CNOT1: variants seen among roughly 807,000 people sequenced by gnomAD.
The protein encoded by CNOT1 is CCR4-NOT transcription complex subunit 1.
In CNOT1, 15 loss-of-function variants were observed where a neutral mutation model predicts 273.8. That is an observed-to-expected ratio of 0.05 (90% confidence interval 0.04 to 0.08). CNOT1 has a LOEUF of 0.08. Ranked by LOEUF, CNOT1 falls within the 10% of genes least tolerant of loss-of-function variation. The pLI is 1.00. For synonymous variants in CNOT1, 1,022 were observed against 1,005.5 expected, an observed-to-expected ratio of 1.02 and a Z score of -0.31; for missense variants, 1,644 against 2,912.2, an observed-to-expected ratio of 0.56 and a Z score of 10.02.
intron 2 of CNOT1, among the ~76,000 whole-genome samples, chr16:58,598,737 G>A (rs560233211): frequency 6.6e-6 from 1 of 152,090 alleles, no homozygotes; most frequent in Admixed American, 6.6e-5. Flanking sequence ...TAATTTCTAT[G>A]GAAAATAAAA....
chr16:58,521,841 A>G (rs2039387794), intron 47 of CNOT1, among the ~76,000 whole-genome samples: 1 of 151,896 alleles, frequency 6.6e-6, no homozygotes, highest in African/African-American at 2.4e-5. Context: ...TAATCCCAGC[A>G]GTCGGACGCT....
chr16:58,595,737 C>T (rs1436255544), intron 2 of CNOT1, among the ~76,000 whole-genome samples: 9 of 152,032 alleles, frequency 5.9e-5, no homozygotes, highest in Admixed American at 2.6e-4. Flanking sequence ...CTAATGACTC[C>T]TAGGGGTGAC....
intron 44 of CNOT1, among the ~76,000 whole-genome samples, chr16:58,526,817 C>CAAAA (rs58419483): frequency 1.6e-4 from 14 of 88,124 alleles, no homozygotes; most frequent in African/African-American, 4.2e-4. Flanking sequence ...AACTCCGTCT[C>CAAAA]AAAAAAAAAA....
intron 15 of CNOT1, 101 bp downstream of exon 15, chr16:58,574,906 C>G (rs2151965436): frequency 6.4e-7 from 1 of 1,557,534 alleles, no homozygotes; most frequent in South Asian, 1.2e-5. Flanking sequence ...TCAAATTTTT[C>G]TTTAGTTTAT....
intron 47 of CNOT1, among the ~76,000 whole-genome samples, chr16:58,521,718 G>T (rs1337305982): frequency 6.6e-6 from 1 of 151,920 alleles, no homozygotes; most frequent in Non-Finnish European, 1.5e-5. Flanking sequence ...TTGGGAGGCC[G>T]AGGCAGGTGG....
intron 1 of CNOT1, among the ~76,000 whole-genome samples, chr16:58,599,978 G>A (rs951968102): frequency 2.0e-5 from 3 of 151,932 alleles, no homozygotes; most frequent in African/African-American, 7.3e-5. Flanking sequence ...CAGGAGGACC[G>A]CTTGAAACTA....
chr16:58,604,859 G>A (rs1000021538), intron 1 of CNOT1, among the ~76,000 whole-genome samples: 8 of 150,082 alleles, frequency 5.3e-5, no homozygotes, highest in South Asian at 2.1e-4. Flanking sequence ...CACCAAAGCC[G>A]GGTGTGGTGG....
Position 58,547,548 on chromosome 16 carries a change from C to T in CNOT1, c.3639+18G>A. The T allele has an allele frequency of 6.3e-7, 1 of 1,599,714 alleles. No homozygotes were observed. The highest frequency in any genetic ancestry group is 8.5e-7 in the Non-Finnish European group (1 of 1,172,666). On this transcript the variant is annotated intron_variant, in intron 26 of 48. Transcript: ENST00000317147. The surrounding 1 kb of genome is among the most constrained non-coding windows in gnomAD (Gnocchi z 4.0). ...GTGCTGAAGATTCTCAATTTTTACA[C>T]ATTTAGATGAAACTCACAGTGTGTA...
intron 22 of CNOT1, among the ~76,000 whole-genome samples, chr16:58,552,083 C>A (rs922985235): frequency 1.3e-5 from 2 of 152,168 alleles, no homozygotes; most frequent in Non-Finnish European, 2.9e-5. Context: ...TGCCTTTAAA[C>A]TTCTTTAAAA....
chr16:58,612,687 C>G (rs1468732855), intron 1 of CNOT1, among the ~76,000 whole-genome samples: 1 of 152,074 alleles, frequency 6.6e-6, no homozygotes, highest in African/African-American at 2.4e-5. Context: ...TGCAGTGAGC[C>G]GAGATCCTGC....
intron 2 of CNOT1, among the ~76,000 whole-genome samples, chr16:58,592,279 T>G (rs1408629892): frequency 1.3e-5 from 2 of 151,968 alleles, no homozygotes; most frequent in Non-Finnish European, 2.9e-5. Flanking sequence ...CATGGCAGCA[T>G]AGAAGAAACA....
In CNOT1 at chr16:58,615,024, T is replaced by A. The variant is rs904376011; in HGVS notation, c.-175+14704A>T. Among the ~76,000 whole-genome samples the A allele has an allele frequency of 7.5e-5, 8 of 107,242 alleles. 1 individual carries two copies. The South Asian group carries it at 1.1e-3, about 15-fold the overall frequency. The allele number at this position is 107,242 out of a possible 152,430, so 70.4% of individuals were successfully genotyped here. ...CACTGGGCCTGTATCCTTTGCTATTTAAAAAAAAAAAAAAATCAGCCCTGG... is the reference window on the plus strand; with the variant it reads ...CACTGGGCCTGTATCCTTTGCTATTAAAAAAAAAAAAAAAATCAGCCCTGG... On this transcript the variant is annotated intron_variant, in intron 1 of 48. Coordinates refer to ENST00000317147, the MANE Select transcript of CNOT1 (RefSeq NM_016284.5).
intron 1 of CNOT1, 129 bp from the exon 2 acceptor site, chr16:58,599,640 A>G: frequency 2.2e-6 from 1 of 449,700 alleles, no homozygotes; most frequent in Non-Finnish European, 3.9e-6. Flanking sequence ...TTAGAAGAGA[A>G]TAGGGTTAAA....
chr16:58,541,204 C>CA (rs1422359767), intron 34 of CNOT1, among the ~76,000 whole-genome samples: 1 of 151,668 alleles, frequency 6.6e-6, no homozygotes, highest in Non-Finnish European at 1.5e-5. Flanking sequence ...GACCCTGTCT[C>CA]AAAAAAATAA....
At chr16:58,587,550 G>T in intron 4 of CNOT1, 137 bp from the exon 5 acceptor site, 2 of 1,273,412 alleles carry the variant, frequency 1.6e-6, no homozygotes, top group Non-Finnish European at 2.1e-6. Flanking sequence ...ATTACACTAT[G>T]TCCTAAAACT....
rs539094470 is a variant in CNOT1, at chr16:58,628,105, G to A, written c.-175+1623C>T. On this transcript the variant is annotated intron_variant, in intron 1 of 48. Transcript: ENST00000317147. ...GGCCTCCCTAAGTGCTGGGATTACA[G>A]GCGTGAGCCACCGCGCCCAGTCGAT... Among the ~76,000 whole-genome samples the A allele has an allele frequency of 5.9e-5, 9 of 152,318 alleles. No homozygotes were observed. In the South Asian group the frequency reaches 1.2e-3, roughly 21 times the overall value.
intron 47 of CNOT1, 35 bp from the exon 48 acceptor site, chr16:58,521,352 G>C: frequency 6.4e-7 from 1 of 1,563,274 alleles, no homozygotes; most frequent in Non-Finnish European, 8.6e-7. Flanking sequence ...TTAATGTATA[G>C]AAGCATACAA....
chr16:58,597,111 A>G (rs2042289991), intron 2 of CNOT1, among the ~76,000 whole-genome samples: 1 of 151,732 alleles, frequency 6.6e-6, no homozygotes, highest in South Asian at 2.1e-4. Flanking sequence ...AAAAAAAAAA[A>G]AAGGACTAAG....
chr16:58,569,210 T>C (rs1350222152), intron 16 of CNOT1, among the ~76,000 whole-genome samples: 1 of 152,128 alleles, frequency 6.6e-6, no homozygotes, highest in Non-Finnish European at 1.5e-5. Flanking sequence ...GTACCTTCCA[T>C]CTCCTGGGTT....
Sources: allele counts gnomAD v4.1 joint callset (sites outside exome capture counted in the v4.1 genomes callset), GRCh38; gene constraint gnomAD v4.1.1; non-coding constraint Gnocchi (gnomAD v3.1); transcripts MANE v1.5; gene names NCBI Gene and HGNC (gene_info 2026-07-23, HGNC 2026-07-21).